Variants in PPP4R3B observed in about 807,000 individuals in gnomAD.
PPP4R3B encodes the protein protein phosphatase 4 regulatory subunit 3B.
In PPP4R3B, 52 loss-of-function variants were observed where a neutral mutation model predicts 95.4. The observed-to-expected ratio is 0.54, with a 90% CI of 0.44 to 0.69. PPP4R3B has a LOEUF of 0.69. PPP4R3B is among the 30% of genes least tolerant of loss of function. The probability of loss-of-function intolerance (pLI) is 0.00; values close to 1 mark genes in which losing one functional copy is unlikely to be tolerated. For missense variants in PPP4R3B, 1,003 were observed against 1,005.9 expected, an observed-to-expected ratio of 1.00 and a Z score of 0.04; for synonymous variants, 407 against 343.9, an observed-to-expected ratio of 1.18 and a Z score of -2.03.
Position 55,615,440 on chromosome 2 carries a change from C to T in PPP4R3B, c.198+11G>A, listed in dbSNP as rs1479363912. On this transcript the variant is annotated intron_variant, in intron 2 of 16. Transcript: ENST00000616407. ...TGAAGTCTTTCAAATTAAAGATAAA[C>T]AACTACTTGCCTGTTGTTTCTGATA... 6.3e-7 allele frequency: 1 copy of T among 1,576,564 alleles called. No individual in the cohort carries two copies. Among genetic ancestry groups the T allele is most frequent in the Admixed American group, 1.8e-5 (1 of 55,898 alleles).
At chr2:55,569,619 C>A (rs1230197240) in intron 12 of PPP4R3B, among the ~76,000 whole-genome samples, 1 of 152,146 alleles carries the variant, frequency 6.6e-6, no homozygotes, top group Non-Finnish European at 1.5e-5. Flanking sequence ...AGGGAGGAGC[C>A]CCCTGTCCAG....
rs1684869546 is a variant in PPP4R3B, at chr2:55,547,771, A to G, written c.*2140T>C. The G allele has an allele frequency of 6.6e-6, 1 of 152,144 alleles. No homozygotes were observed. The highest frequency in any genetic ancestry group is 1.5e-5 in the Non-Finnish European group (1 of 68,054). The allele number at this position is 152,144 out of a possible 1,614,324, so 9.4% of individuals were successfully genotyped here. A position where few individuals can be genotyped will look rare whatever the true frequency, so the allele number is the denominator to read the frequency against. On this transcript the variant is annotated 3_prime_UTR_variant, in exon 17 of 17. Transcript: ENST00000616407. ...ACCCCGTCTCTACTGAAAATACAAA[A>G]ATTAGCCTGGCATGGTGACGGGCAC...
chr2:55,601,770 G>C (rs1023272685), intron 3 of PPP4R3B, among the ~76,000 whole-genome samples: 3 of 152,128 alleles, frequency 2.0e-5, no homozygotes, highest in African/African-American at 7.2e-5. Context: ...CTACCATAAT[G>C]TGATATGGTA....
In PPP4R3B at chr2:55,598,637, G is replaced by A; in HGVS notation, c.700C>T (p.Gln234Ter). 1.2e-6 allele frequency: 2 copies of A among 1,614,116 alleles called. No homozygotes were observed. The highest frequency in any genetic ancestry group is 1.7e-6 in the Non-Finnish European group (2 of 1,180,022). ...GCLEYDPALAQPKRHREFLTK... is the reference protein window; with the variant it reads ...GCLEYDPALA ...AAGAATTCTCTATGTCTTTTTGGCT[G>A]AGCCAAAGCAGGGTCATATTCAAGG... Residue 234 changes from glutamine to a stop codon, truncating the protein, a stop_gained, in exon 4 of 17, where the codon CAG becomes TAG. Coordinates refer to ENST00000616407, the MANE Select transcript of PPP4R3B (RefSeq NM_001122964.3). LOFTEE classifies it high-confidence loss of function.
chr2:55,586,047 A>C lies in PPP4R3B; in HGVS notation c.1116+571T>G, dbSNP rs989272947. On this transcript the variant is annotated intron_variant, in intron 6 of 16. Coordinates refer to ENST00000616407, the MANE Select transcript of PPP4R3B (RefSeq NM_001122964.3). ...GGATTAGCAGGAAAAAAAAAGTAAA[A>C]AACGGTACTCTTTTCACTAAATTTT... 7.2e-5 allele frequency among the ~76,000 whole-genome samples: 11 copies of C among 152,260 alleles called. No individual in the cohort carries two copies. The East Asian group carries it at 2.1e-3, about 29-fold the overall frequency.
chr2:55,604,218 T>C (rs868595446), intron 2 of PPP4R3B, 142 bp from the exon 3 acceptor site: 1 of 479,562 alleles, frequency 2.1e-6, no homozygotes, highest in Middle Eastern at 5.5e-4. Context: ...TGATTGGCAT[T>C]ATTAGTAATA....
At chr2:55,598,333 T>C (rs1454868997) in intron 4 of PPP4R3B, 83 bp downstream of exon 4, 5 of 1,342,800 alleles carry the variant, frequency 3.7e-6, no homozygotes, top group African/African-American at 1.6e-5. Flanking sequence ...TTTCAAAAAA[T>C]AGAGGGTATA....
At chr2:55,576,647 A>G (rs569165976) in intron 11 of PPP4R3B, among the ~76,000 whole-genome samples, 129 of 152,184 alleles carry the variant, frequency 8.5e-4, no homozygotes, top group African/African-American at 3.1e-3. Flanking sequence ...GCTTGCAGTG[A>G]GCCGAGATTG....
intron 12 of PPP4R3B, 128 bp downstream of exon 12, chr2:55,573,491 A>T: frequency 1.2e-6 from 1 of 862,874 alleles, no homozygotes; most frequent in South Asian, 1.9e-5. Flanking sequence ...TTAAATAAGA[A>T]CAAAAGAATA....
At position 55,589,020 on chromosome 2, in the gene PPP4R3B, G is replaced by T. The variant is rs1574827229; in HGVS notation, c.922-64C>A. On this transcript the variant is annotated intron_variant, in intron 4 of 16. Coordinates refer to ENST00000616407, the MANE Select transcript of PPP4R3B (RefSeq NM_001122964.3). ...AGAATAAAGTTATACTCATTTATAT[G>T]ACTTACACAAATTATAAAAAATAGT... 5.2e-6 allele frequency: 5 copies of T among 958,282 alleles called. No individual in the cohort carries two copies. The South Asian group carries it at 6.0e-5, about 12-fold the overall frequency. The allele number at this position is 958,282 out of a possible 1,614,324, so 59.4% of individuals were successfully genotyped here.
chr2:55,573,786 G>C lies in PPP4R3B; in HGVS notation c.1607-9C>G. 6.9e-7 allele frequency: 1 copy of C among 1,457,698 alleles called. No homozygotes were observed. The highest frequency in any genetic ancestry group is 9.1e-7 in the Non-Finnish European group (1 of 1,103,122). The allele number at this position is 1,457,698 out of a possible 1,614,324, so 90.3% of individuals were successfully genotyped here. A position where few individuals can be genotyped will look rare whatever the true frequency, so the allele number is the denominator to read the frequency against. ...TGCTGTTTGATAATTATCTACAAAA[G>C]AAAGTAATCTCATGAAAATAAATAT... On this transcript the variant is annotated splice_polypyrimidine_tract_variant and intron_variant, in intron 11 of 16. Coordinates refer to ENST00000616407, the MANE Select transcript of PPP4R3B (RefSeq NM_001122964.3).
In PPP4R3B at chr2:55,549,201, C is replaced by G. The variant is rs1158902902; in HGVS notation, c.*710G>C. 6.6e-6 allele frequency: 1 copy of G among 152,344 alleles called. No individual in the cohort carries two copies. The highest frequency in any genetic ancestry group is 2.4e-5 in the African/African-American group (1 of 41,450). 9.4% of individuals were successfully genotyped at this position (152,344 alleles called of 1,614,324 possible). A position where few individuals can be genotyped will look rare whatever the true frequency, so the allele number is the denominator to read the frequency against. ...AAAATCATTTTGGAATACTACTGTA[C>G]TGATTCTTGGCCTTCGTTGTCTCTA... On this transcript the variant is annotated 3_prime_UTR_variant, in exon 17 of 17. Transcript: ENST00000616407.
At chr2:55,584,997 A>G (rs774326714) in intron 7 of PPP4R3B, 54 bp downstream of exon 7, 136 of 1,246,790 alleles carry the variant, frequency 1.1e-4, no homozygotes, top group Non-Finnish European at 1.4e-4. Flanking sequence ...AATAGTTTGC[A>G]AACACTACTC....
chr2:55,568,174 G>A lies in PPP4R3B; in HGVS notation c.1935+20C>T. The A allele has an allele frequency of 1.7e-5, 24 of 1,444,348 alleles. No individual in the cohort carries two copies. Among genetic ancestry groups the A allele is most frequent in the Non-Finnish European group, 2.2e-5 (24 of 1,089,230 alleles). 89.5% of individuals were successfully genotyped at this position (1,444,348 alleles called of 1,614,324 possible). A position where few individuals can be genotyped will look rare whatever the true frequency, so the allele number is the denominator to read the frequency against. On this transcript the variant is annotated intron_variant, in intron 13 of 16. Coordinates refer to ENST00000616407, the MANE Select transcript of PPP4R3B (RefSeq NM_001122964.3). ...TTACATATAATTACATATAATAACA[G>A]CTGTTTTATATAAACTTACCACTCT...
At chr2:55,574,714 C>T (rs1688423870) in intron 11 of PPP4R3B, among the ~76,000 whole-genome samples, 1 of 151,630 alleles carries the variant, frequency 6.6e-6, no homozygotes, top group African/African-American at 2.4e-5. Flanking sequence ...CTGCCTTAGC[C>T]TCCCGAGTAG....
intron 3 of PPP4R3B, among the ~76,000 whole-genome samples, chr2:55,600,362 G>T (rs368856835): frequency 7.5e-6 from 1 of 132,548 alleles, no homozygotes; most frequent in Non-Finnish European, 1.6e-5. Context: ...GGAGGCGGAG[G>T]TTGCAGTGAG....
chr2:55,596,922 C>T (rs1335298730), intron 4 of PPP4R3B, among the ~76,000 whole-genome samples: 2 of 152,168 alleles, frequency 1.3e-5, no homozygotes, highest in African/African-American at 2.4e-5. Flanking sequence ...CGAAATCACA[C>T]CATTGCACTC....
chr2:55,615,722 C>A (rs1196538009), intron 1 of PPP4R3B, among the ~76,000 whole-genome samples: 1 of 151,574 alleles, frequency 6.6e-6, no homozygotes, highest in East Asian at 1.9e-4. Flanking sequence ...CGTGGTGGCG[C>A]ATGCCTGTAG....
At chr2:55,564,838 C>T in intron 14 of PPP4R3B, 64 bp downstream of exon 14, 1 of 1,563,276 alleles carries the variant, frequency 6.4e-7, no homozygotes, top group East Asian at 2.3e-5. Flanking sequence ...CATGGAAAAT[C>T]TGAACTACAA....
Sources: allele counts gnomAD v4.1 joint callset (sites outside exome capture counted in the v4.1 genomes callset), GRCh38; gene constraint gnomAD v4.1.1; transcripts MANE v1.5; gene names NCBI Gene and HGNC (gene_info 2026-07-23, HGNC 2026-07-21).